PARD3: variants seen among roughly 807,000 people sequenced by gnomAD.
The protein encoded by PARD3 is partitioning defective 3 homolog.
Under a neutral mutation model 155.4 loss-of-function variants are expected in PARD3, and 75 were observed. The observed-to-expected ratio is 0.48, with a 90% CI of 0.40 to 0.58. PARD3 has a LOEUF of 0.58. PARD3 is among the 20% of genes least tolerant of loss of function. The pLI, the probability that PARD3 is intolerant of heterozygous loss-of-function variation, is 0.00. For missense variants in PARD3, 1,642 were observed against 1,721.7 expected, an observed-to-expected ratio of 0.95 and a Z score of 0.82; for synonymous variants, 576 against 610.5, an observed-to-expected ratio of 0.94 and a Z score of 0.83.
intron 3 of PARD3, among the ~76,000 whole-genome samples, chr10:34,495,556 A>C (rs576627834): frequency 1.3e-5 from 2 of 152,290 alleles, no homozygotes; most frequent in African/African-American, 4.8e-5. Context: ...ATAATTCCAA[A>C]TAGTGGTCTC....
chr10:34,499,966 T>C lies in PARD3; in HGVS notation c.403+17013A>G, dbSNP rs533092681. On this transcript the variant is annotated intron_variant, in intron 3 of 24. Coordinates refer to ENST00000374788, the MANE Select transcript of PARD3 (RefSeq NM_001184785.2). ...GTAACTGCTATGTAAATAGTTGTTA[T>C]ACTGTATCATTTAGGGAACATCCAC... Among the ~76,000 whole-genome samples, 4 of 152,366 alleles carry C rather than the reference T, an allele frequency of 2.6e-5. No homozygotes were observed. In the East Asian group the frequency reaches 5.8e-4, roughly 22 times the overall value.
At chr10:34,749,184 T>C (rs1835682540) in intron 1 of PARD3, among the ~76,000 whole-genome samples, 1 of 152,268 alleles carries the variant, frequency 6.6e-6, no homozygotes, top group African/African-American at 2.4e-5. Context: ...TCACATGTTC[T>C]TATGGTAGAC....
chr10:34,466,823 C>T (rs1408979016), intron 4 of PARD3, among the ~76,000 whole-genome samples: 1 of 151,924 alleles, frequency 6.6e-6, no homozygotes, highest in Non-Finnish European at 1.5e-5. Flanking sequence ...AATAAAATGC[C>T]ATCTAATCAT....
intron 2 of PARD3, among the ~76,000 whole-genome samples, chr10:34,539,192 T>A (rs1261259374): frequency 2.0e-5 from 3 of 152,132 alleles, no homozygotes; most frequent in Non-Finnish European, 2.9e-5. Context: ...TATTCTAACA[T>A]CCAGCCATAA....
chr10:34,400,920 A>G (rs1372553381), intron 6 of PARD3, among the ~76,000 whole-genome samples: 1 of 152,084 alleles, frequency 6.6e-6, no homozygotes, highest in Non-Finnish European at 1.5e-5. Flanking sequence ...AGCTAAGAAT[A>G]GCATAACTTC....
chr10:34,206,523 C>T (rs768816467), intron 22 of PARD3, among the ~76,000 whole-genome samples: 9 of 152,186 alleles, frequency 5.9e-5, no homozygotes, highest in Non-Finnish European at 1.3e-4. Context: ...GAAAGAACTC[C>T]AGAGCCAGTC....
chr10:34,253,634 G>A (rs1477169712), intron 22 of PARD3, among the ~76,000 whole-genome samples: 1 of 152,286 alleles, frequency 6.6e-6, no homozygotes, highest in Middle Eastern at 3.4e-3. Flanking sequence ...CATGAGTGTA[G>A]AGGCTAAGCA....
At chr10:34,478,787 C>A (rs1175094567) in intron 3 of PARD3, among the ~76,000 whole-genome samples, 7 of 152,210 alleles carry the variant, frequency 4.6e-5, no homozygotes, top group Non-Finnish European at 1.0e-4. Flanking sequence ...AGGTGATCCA[C>A]CCACCTGGGC....
In PARD3 at chr10:34,610,410, C is replaced by T. The variant is rs72798447; in HGVS notation, c.222+85908G>A. 6.2e-3 allele frequency among the ~76,000 whole-genome samples: 946 copies of T among 152,220 alleles called. 7 individuals carry two copies. Among genetic ancestry groups the T allele is most frequent in the Non-Finnish European group, 0.01 (695 of 68,014 alleles). On this transcript the variant is annotated intron_variant, in intron 2 of 24. Coordinates refer to ENST00000374788, the MANE Select transcript of PARD3 (RefSeq NM_001184785.2). ...AAAATTTAAAAATGCCAGTACTCATCAAGAATTGGTCGGACATTATGGGAA... is the reference window on the plus strand; with the variant it reads ...AAAATTTAAAAATGCCAGTACTCATTAAGAATTGGTCGGACATTATGGGAA...
chr10:34,628,386 T>C (rs1315748448), intron 2 of PARD3, among the ~76,000 whole-genome samples: 1 of 152,256 alleles, frequency 6.6e-6, no homozygotes, highest in Non-Finnish European at 1.5e-5. Context: ...TCAACATTTA[T>C]TGAATTCCTG....
intron 5 of PARD3, among the ~76,000 whole-genome samples, chr10:34,432,068 A>AAAAAAAAAAAC (rs2075960132): frequency 6.7e-6 from 1 of 148,426 alleles, no homozygotes; most frequent in Non-Finnish European, 1.5e-5. Context: ...AAAAAAAAAA[A>AAAAAAAAAAAC]AAAGAATGCA....
intron 2 of PARD3, among the ~76,000 whole-genome samples, chr10:34,593,663 T>C (rs999676115): frequency 1.3e-5 from 2 of 152,166 alleles, no homozygotes; most frequent in South Asian, 2.1e-4. Flanking sequence ...GAATAGAACC[T>C]TGAGATGATT....
chr10:34,611,129 T>C (rs1026251530), intron 2 of PARD3, among the ~76,000 whole-genome samples: 1 of 152,196 alleles, frequency 6.6e-6, no homozygotes, highest in Non-Finnish European at 1.5e-5. Flanking sequence ...ATGAAAATCA[T>C]GCACCTTGAG....
intron 2 of PARD3, among the ~76,000 whole-genome samples, chr10:34,607,060 G>A (rs981999849): frequency 6.6e-6 from 1 of 151,676 alleles, no homozygotes; most frequent in Non-Finnish European, 1.5e-5. Context: ...TAAGATGAGA[G>A]GCCACGTTGA....
chr10:34,328,318 G>A (rs1454670988), intron 19 of PARD3, among the ~76,000 whole-genome samples: 1 of 152,108 alleles, frequency 6.6e-6, no homozygotes, highest in African/African-American at 2.4e-5. Context: ...GGAAATAGAT[G>A]GGGTGTTTTC....
intron 22 of PARD3, among the ~76,000 whole-genome samples, chr10:34,259,381 C>G (rs1420365774): frequency 6.6e-6 from 1 of 152,154 alleles, no homozygotes; most frequent in East Asian, 1.9e-4. Flanking sequence ...AGGGGAGAAT[C>G]TGCTTCCTCG....
chr10:34,511,101 T>C (rs1449327013), intron 3 of PARD3, among the ~76,000 whole-genome samples: 1 of 152,236 alleles, frequency 6.6e-6, no homozygotes, highest in Non-Finnish European at 1.5e-5. Context: ...GTTGATTTTA[T>C]TGAAGAACGT....
intron 1 of PARD3, among the ~76,000 whole-genome samples, chr10:34,715,975 G>C (rs1305491041): frequency 1.3e-5 from 2 of 152,116 alleles, no homozygotes; most frequent in Admixed American, 6.6e-5. Flanking sequence ...TTTTCTGAAA[G>C]GCCCTAATAT....
intron 20 of PARD3, among the ~76,000 whole-genome samples, chr10:34,286,807 G>C (rs11009713): frequency 0.14 from 20,685 of 152,166 alleles, 1,614 homozygotes; most frequent in African/African-American, 0.21. Flanking sequence ...AGGTGAAAAG[G>C]TGAAACCAGG....
Sources: allele counts gnomAD v4.1 joint callset (sites outside exome capture counted in the v4.1 genomes callset), GRCh38; gene constraint gnomAD v4.1.1; transcripts MANE v1.5; gene names NCBI Gene and HGNC (gene_info 2026-07-23, HGNC 2026-07-21).